Variants in DNAJC15 observed in about 807,000 individuals in gnomAD.
The protein encoded by DNAJC15 is dnaJ homolog subfamily C member 15.
A neutral mutation model predicts 22.4 loss-of-function variants in DNAJC15; 27 were observed. The observed-to-expected ratio is 1.20, with a 90% CI of 0.89 to 1.66. The LOEUF is 1.66. DNAJC15 is among the 40% of genes most tolerant of loss of function. DNAJC15 has a pLI of 0.00. For synonymous variants in DNAJC15, 79 were observed against 63.2 expected, an observed-to-expected ratio of 1.25 and a Z score of -1.19; for missense variants, 208 against 187.1, an observed-to-expected ratio of 1.11 and a Z score of -0.65.
At chr13:43,084,688 T>C (rs1438098680) in intron 4 of DNAJC15, among the ~76,000 whole-genome samples, 6 of 152,230 alleles carry the variant, frequency 3.9e-5, no homozygotes, top group African/African-American at 1.4e-4. Flanking sequence ...TTTTTTCCCT[T>C]GCCTAGAAAA....
At chr13:43,062,717 TTTTTC>T (rs1479785603) in intron 1 of DNAJC15, among the ~76,000 whole-genome samples, 8 of 152,148 alleles carry the variant, frequency 5.3e-5, no homozygotes, top group African/African-American at 1.4e-4. Flanking sequence ...ATATTTTTCT[TTTTTC>T]TTTTCTTTTT....
intron 5 of DNAJC15, among the ~76,000 whole-genome samples, chr13:43,095,474 A>G (rs1432711061): frequency 3.9e-5 from 6 of 152,210 alleles, no homozygotes; most frequent in Admixed American, 3.9e-4. Flanking sequence ...TAGGAATTGA[A>G]TAAATGACTC....
chr13:43,040,677 T>C (rs532817942), intron 1 of DNAJC15, among the ~76,000 whole-genome samples: 1 of 152,162 alleles, frequency 6.6e-6, no homozygotes, highest in Non-Finnish European at 1.5e-5. Flanking sequence ...GCGTTCAGCA[T>C]ACGGAGGATC....
chr13:43,079,388 A>G (rs2040651113), intron 4 of DNAJC15, among the ~76,000 whole-genome samples: 1 of 152,148 alleles, frequency 6.6e-6, no homozygotes, highest in African/African-American at 2.4e-5. Context: ...TATCTTGTAA[A>G]TTTTTTAAAA....
chr13:43,048,479 C>G (rs1164072443), intron 1 of DNAJC15, among the ~76,000 whole-genome samples: 1 of 152,252 alleles, frequency 6.6e-6, no homozygotes, highest in African/African-American at 2.4e-5. Flanking sequence ...GCAACAAGAG[C>G]AAAACTCTGT....
Position 43,068,975 on chromosome 13 carries a change from C to T in DNAJC15, c.206C>T (p.Thr69Ile), listed in dbSNP as rs368420201. 4.3e-6 allele frequency: 7 copies of T among 1,612,816 alleles called. No homozygotes were observed. The African/African-American group carries it at 9.3e-5, about 22-fold the overall frequency. ...RIWKPLEQVI[T>I]ETAKKISTPS... ...TGGAAACCTCTAGAACAAGTTATCA[C>T]AGAAACTGCAAAGAAGATTTCAACT... Residue 69 changes from threonine (T) to isoleucine (I), a missense_variant, in exon 3 of 6, where the codon ACA (threonine) becomes ATA (isoleucine). Coordinates refer to ENST00000379221, the MANE Select transcript of DNAJC15 (RefSeq NM_013238.3).
At chr13:43,034,009 CAA>C (rs947372947) in intron 1 of DNAJC15, among the ~76,000 whole-genome samples, 3 of 115,368 alleles carry the variant, frequency 2.6e-5, no homozygotes, top group African/African-American at 3.5e-5. Context: ...GCCTGGGCGA[CAA>C]GAGTAAAACT....
chr13:43,096,132 A>C (rs2153442053), intron 5 of DNAJC15, among the ~76,000 whole-genome samples: 1 of 152,246 alleles, frequency 6.6e-6, no homozygotes, highest in South Asian at 2.1e-4. Context: ...TTTGGGGGAA[A>C]TAAATGTAAT....
chr13:43,058,496 G>T (rs1275362860), intron 1 of DNAJC15, among the ~76,000 whole-genome samples: 2 of 152,088 alleles, frequency 1.3e-5, no homozygotes, highest in African/African-American at 4.8e-5. Context: ...TGTGGGGTAT[G>T]GGGGTGTGGT....
At chr13:43,040,218 T>G (rs2040447075) in intron 1 of DNAJC15, among the ~76,000 whole-genome samples, 1 of 152,198 alleles carries the variant, frequency 6.6e-6, no homozygotes, top group Non-Finnish European at 1.5e-5. Context: ...ACTTGACATG[T>G]GCCAGCCATC....
At chr13:43,067,193 GT>G (rs1319367168) in intron 2 of DNAJC15, among the ~76,000 whole-genome samples, 1 of 152,072 alleles carries the variant, frequency 6.6e-6, no homozygotes, top group Non-Finnish European at 1.5e-5. Context: ...AGAGGGTCTT[GT>G]TTTGTATGGT....
At chr13:43,034,227 G>A (rs1389326871) in intron 1 of DNAJC15, among the ~76,000 whole-genome samples, 1 of 144,520 alleles carries the variant, frequency 6.9e-6, no homozygotes, top group Non-Finnish European at 1.5e-5. Flanking sequence ...TTAAGGAGTA[G>A]AGAGTTATGC....
chr13:43,039,268 T>A (rs945362345), intron 1 of DNAJC15, among the ~76,000 whole-genome samples: 3 of 152,242 alleles, frequency 2.0e-5, no homozygotes, highest in Non-Finnish European at 2.9e-5. Flanking sequence ...TTTTCAACTC[T>A]ATGATTCCGT....
chr13:43,045,849 A>G (rs1405420200), intron 1 of DNAJC15, among the ~76,000 whole-genome samples: 2 of 152,154 alleles, frequency 1.3e-5, no homozygotes, highest in African/African-American at 4.8e-5. Context: ...AGCACAAATC[A>G]CTGCGTAAAA....
chr13:43,035,125 G>T (rs924335280), intron 1 of DNAJC15, among the ~76,000 whole-genome samples: 3 of 152,142 alleles, frequency 2.0e-5, no homozygotes, highest in African/African-American at 4.8e-5. Flanking sequence ...AAGGACAGTA[G>T]AATTTTTCCC....
chr13:43,037,562 T>C (rs2040434521), intron 1 of DNAJC15, among the ~76,000 whole-genome samples: 1 of 152,206 alleles, frequency 6.6e-6, no homozygotes, highest in Non-Finnish European at 1.5e-5. Context: ...TGTTAAAACA[T>C]GTTAAACCCA....
At chr13:43,036,697 A>G (rs2040430592) in intron 1 of DNAJC15, among the ~76,000 whole-genome samples, 1 of 152,168 alleles carries the variant, frequency 6.6e-6, no homozygotes, top group Admixed American at 6.5e-5. Flanking sequence ...CTGGCTCTAG[A>G]GGCTGCGGGG....
rs557373894 is a variant in DNAJC15 at position 43,027,297 on chromosome 13, C to A, written c.108+3563C>A. Among the ~76,000 whole-genome samples, 5 of 152,206 alleles carry A rather than the reference C, an allele frequency of 3.3e-5. No individual in the cohort carries two copies. The South Asian group carries it at 1.0e-3, about 32-fold the overall frequency. On this transcript the variant is annotated intron_variant, in intron 1 of 5. Transcript: ENST00000379221. Reference sequence around the variant, plus strand: ...ATGTGCTAGATGTGCAGGTTTGTTACACAGGTAAATGTGTGCCGTGGTGGT... The same window carrying A: ...ATGTGCTAGATGTGCAGGTTTGTTAAACAGGTAAATGTGTGCCGTGGTGGT...
chr13:43,024,337 G>GTTTTTTTTTTTTT (rs376910976), intron 1 of DNAJC15, among the ~76,000 whole-genome samples: 6 of 93,402 alleles, frequency 6.4e-5, no homozygotes, highest in Admixed American at 1.6e-4. Context: ...GTATTTTTAC[G>GTTTTTTTTTTTTT]TTTTTTTTTT....
Sources: allele counts gnomAD v4.1 joint callset (sites outside exome capture counted in the v4.1 genomes callset), GRCh38; gene constraint gnomAD v4.1.1; transcripts MANE v1.5; gene names NCBI Gene and HGNC (gene_info 2026-07-23, HGNC 2026-07-21).